Variants in ATP6V0A4 observed in about 807,000 individuals in gnomAD.
ATP6V0A4 encodes the protein ATPase H+ transporting V0 subunit a4, also known as V-type proton ATPase 116 kDa subunit a 4.
In ATP6V0A4, 86 loss-of-function variants were observed where a neutral mutation model predicts 107.3. That is an observed-to-expected ratio of 0.80 (90% CI 0.67 to 0.96). The LOEUF is 0.96. Among genes scored for constraint, ATP6V0A4 ranks in the 40% least tolerant of loss-of-function variants. The pLI is 0.00. For missense variants in ATP6V0A4, 908 were observed against 1,045.6 expected (o/e 0.87, Z 1.81); for synonymous variants, 353 against 381.4 (o/e 0.93, Z 0.87).
intron 18 of ATP6V0A4, among the ~76,000 whole-genome samples, chr7:138,726,462 A>T (rs535577198): frequency 1.8e-4 from 28 of 152,336 alleles, no homozygotes; most frequent in Admixed American, 1.3e-3. Flanking sequence ...CCCACGGGGC[A>T]TGTCACCAGG....
At chr7:138,762,597 C>T in intron 6 of ATP6V0A4, 163 bp from the exon 7 acceptor site, 8 of 850,670 alleles carry the variant, frequency 9.4e-6, no homozygotes, top group Non-Finnish European at 1.1e-5. Flanking sequence ...AAAAAGCTTC[C>T]CTGGTCTTTT....
At chr7:138,711,183 A>T (rs1803721074) in intron 20 of ATP6V0A4, among the ~76,000 whole-genome samples, 1 of 152,012 alleles carries the variant, frequency 6.6e-6, no homozygotes, top group Non-Finnish European at 1.5e-5. Flanking sequence ...AGTCTCTCAA[A>T]GGCTGACAGT....
intron 14 of ATP6V0A4, among the ~76,000 whole-genome samples, chr7:138,743,465 A>AG (rs1267075117): frequency 6.6e-6 from 1 of 151,482 alleles, no homozygotes; most frequent in Non-Finnish European, 1.5e-5. Context: ...CTCAAAAAAA[A>AG]AAAAAGAAAA....
At chr7:138,720,283 G>A (rs1320172879) in intron 19 of ATP6V0A4, among the ~76,000 whole-genome samples, 1 of 152,162 alleles carries the variant, frequency 6.6e-6, no homozygotes, top group Non-Finnish European at 1.5e-5. Flanking sequence ...GAAACAGGGG[G>A]AGGCACACAT....
intron 14 of ATP6V0A4, among the ~76,000 whole-genome samples, chr7:138,742,882 A>T (rs1805702610): frequency 7.7e-6 from 1 of 130,476 alleles, no homozygotes; most frequent in Admixed American, 8.4e-5. Flanking sequence ...GCATCTCTTT[A>T]GAATACTAAT....
At position 138,752,380 on chromosome 7, in the gene ATP6V0A4, T is replaced by A. The variant is rs79201656; in HGVS notation, c.1029+245A>T. ...GCGAGATTCTATTTTTTTTTTTTTTTTAAAAAAACCTCAATACGTACTCAC... is the reference window on the plus strand; with the variant it reads ...GCGAGATTCTATTTTTTTTTTTTTTATAAAAAAACCTCAATACGTACTCAC... On this transcript the variant is annotated intron_variant, in intron 11 of 21. Coordinates refer to ENST00000310018, the MANE Select transcript of ATP6V0A4 (RefSeq NM_020632.3). Among the ~76,000 whole-genome samples, 290 of 56,554 alleles carry A rather than the reference T, an allele frequency of 5.1e-3. 2 individuals are homozygous for A. Among genetic ancestry groups the A allele is most frequent in the Middle Eastern group, 0.021 (3 of 140 alleles). 37.1% of individuals were successfully genotyped at this position (56,554 alleles called of 152,430 possible). A position where few individuals can be genotyped will look rare whatever the true frequency, so the allele number is the denominator to read the frequency against.
intron 5 of ATP6V0A4, among the ~76,000 whole-genome samples, chr7:138,766,807 A>G (rs1807116124): frequency 6.6e-6 from 1 of 152,234 alleles, no homozygotes; most frequent in Non-Finnish European, 1.5e-5. Flanking sequence ...TTTGAAAACA[A>G]AAGCAGCACA....
rs992976960 is a variant in ATP6V0A4 at position 138,773,068 on chromosome 7, C to T, written c.-17-1804G>A. ...CCAGGTCAACCTTCTGGAAGAATTTCCACACCTCCAGAGTAGATTTAATTT... is the reference window on the plus strand; with the variant it reads ...CCAGGTCAACCTTCTGGAAGAATTTTCACACCTCCAGAGTAGATTTAATTT... On this transcript the variant is annotated intron_variant, in intron 2 of 21. Coordinates refer to ENST00000310018, the MANE Select transcript of ATP6V0A4 (RefSeq NM_020632.3). This position sits in a 1 kb window ranked among gnomAD's most constrained non-coding sequence, Gnocchi z 5.4. 1.3e-5 allele frequency among the ~76,000 whole-genome samples: 2 copies of T among 152,188 alleles called. No individual in the cohort carries two copies. Among genetic ancestry groups the T allele is most frequent in the Non-Finnish European group, 2.9e-5 (2 of 68,038 alleles).
intron 17 of ATP6V0A4, among the ~76,000 whole-genome samples, chr7:138,730,720 G>C (rs1044381287): frequency 2.0e-5 from 3 of 152,032 alleles, no homozygotes; most frequent in Non-Finnish European, 2.9e-5. Flanking sequence ...AGAGTTATTT[G>C]GGAAATCCAA....
chr7:138,733,025 A>C lies in ATP6V0A4; in HGVS notation c.1760T>G (p.Phe587Cys). ...AATGATCATGAAAACCAGGTATCCA[A>C]ACAGACACAGGATAAAAATCATCTC... ...IPEMIFILCLFGYLVFMIIFK... is the reference protein window; with the variant it reads ...IPEMIFILCLCGYLVFMIIFK... Residue 587 changes from phenylalanine to cysteine, a missense_variant, in exon 17 of 22, where the codon TTT (phenylalanine) becomes TGT (cysteine). Physicochemically the swap from Phe to Cys is radical, Grantham distance 205. Transcript: ENST00000310018. 1 of 1,614,102 alleles carries C rather than the reference A, an allele frequency of 6.2e-7. No homozygotes were observed. Among genetic ancestry groups the C allele is most frequent in the South Asian group, 1.1e-5 (1 of 91,070 alleles).
chr7:138,707,166 T>TTATA (rs1387150525), intron 21 of ATP6V0A4, among the ~76,000 whole-genome samples: 1 of 74,580 alleles, frequency 1.3e-5, no homozygotes, highest in Non-Finnish European at 2.3e-5. Context: ...ATATAATATA[T>TTATA]TATATATATT....
chr7:138,755,635 G>A (rs1285378526), intron 10 of ATP6V0A4, 54 bp downstream of exon 10: 5 of 1,607,450 alleles, frequency 3.1e-6, no homozygotes, highest in Non-Finnish European at 4.2e-6. Context: ...GAAAACAGCA[G>A]AGGCAGCCCT....
intron 2 of ATP6V0A4, among the ~76,000 whole-genome samples, chr7:138,782,657 C>G (rs1304090397): frequency 6.6e-6 from 1 of 152,108 alleles, no homozygotes; most frequent in Non-Finnish European, 1.5e-5. Context: ...ATGGAGTGTT[C>G]ATGAAGGGGA....
chr7:138,797,915 G>C lies in ATP6V0A4; in HGVS notation c.-121+119C>G, dbSNP rs542615291. The C allele has an allele frequency of 6.8e-4, 969 of 1,421,786 alleles. 2 individuals carry two copies. Among genetic ancestry groups the C allele is most frequent in the Non-Finnish European group, 8.1e-4 (852 of 1,048,096 alleles). 88.1% of individuals were successfully genotyped at this position (1,421,786 alleles called of 1,614,324 possible). A position where few individuals can be genotyped will look rare whatever the true frequency, so the allele number is the denominator to read the frequency against. ...TGGCTTCCCTTCTAGAGAGGTGAGA[G>C]AAGGTGTGACAGGCCAAGTTTCCTT... On this transcript the variant is annotated intron_variant, in intron 1 of 21. Transcript: ENST00000310018.
At chr7:138,744,244 T>A (rs939030676) in intron 14 of ATP6V0A4, among the ~76,000 whole-genome samples, 6 of 151,394 alleles carry the variant, frequency 4.0e-5, no homozygotes, top group Non-Finnish European at 8.8e-5. Context: ...TCTGCTTTTT[T>A]TTTTTTTTTT....
chr7:138,769,211 T>C lies in ATP6V0A4; in HGVS notation c.158A>G (p.Asn53Ser). ...NVNSFQRKFV[N>S]EVRRCESLER... ...CAGTGATTCACACCTTCTGACTTCA[T>C]TCACAAATTTCCTTTGAAAGCTGTT... The change falls in exon 4 of 22, where the codon AAT (asparagine) becomes AGT (serine). Residue 53 changes from asparagine to serine, a missense_variant. By Grantham distance (46) the Asn-to-Ser change is conservative (BLOSUM62 1). Transcript: ENST00000310018. 1.2e-6 allele frequency: 2 copies of C among 1,612,854 alleles called. No homozygotes were observed. Among genetic ancestry groups the C allele is most frequent in the Non-Finnish European group, 8.5e-7 (1 of 1,179,968 alleles).
intron 18 of ATP6V0A4, among the ~76,000 whole-genome samples, chr7:138,724,289 G>A (rs1584899898): frequency 6.6e-6 from 1 of 151,742 alleles, no homozygotes; most frequent in South Asian, 2.1e-4. Flanking sequence ...CAGAATTCAC[G>A]CCATGCCATG....
At chr7:138,743,488 AAAAT>A (rs1300327201) in intron 14 of ATP6V0A4, among the ~76,000 whole-genome samples, 6 of 152,026 alleles carry the variant, frequency 3.9e-5, no homozygotes, top group South Asian at 2.1e-4. Context: ...AAAAAGAAAA[AAAAT>A]AAATAAACCC....
At chr7:138,734,308 C>T (rs1805192931) in intron 15 of ATP6V0A4, 54 bp from the exon 16 acceptor site, 9 of 1,607,928 alleles carry the variant, frequency 5.6e-6, no homozygotes, top group African/African-American at 1.3e-5. Flanking sequence ...AGAAGTTCTA[C>T]TGGAGTTGAG....
Sources: allele counts gnomAD v4.1 joint callset (sites outside exome capture counted in the v4.1 genomes callset), GRCh38; gene constraint gnomAD v4.1.1; non-coding constraint Gnocchi (gnomAD v3.1); transcripts MANE v1.5; gene names NCBI Gene and HGNC (gene_info 2026-07-23, HGNC 2026-07-21).